ERICH1: variants seen among roughly 807,000 people sequenced by gnomAD.
ERICH1 encodes the protein glutamate-rich protein 1.
ERICH1 carries 56 observed loss-of-function variants against 39.6 expected under a neutral mutation model. The observed-to-expected ratio is 1.41, with a 90% CI of 1.14 to 1.77. The LOEUF is 1.77. ERICH1 is among the 40% of genes most tolerant of loss of function. The pLI is 0.00. For synonymous variants in ERICH1, 313 were observed against 223.6 expected (o/e 1.40, Z -3.57); for missense variants, 826 against 575.4 (o/e 1.44, Z -4.45).
chr8:723,389 CT>C (rs1327574558), intron 1 of ERICH1, among the ~76,000 whole-genome samples: 2 of 152,234 alleles, frequency 1.3e-5, no homozygotes, highest in Non-Finnish European at 2.9e-5. Context: ...TTAGTTTCCA[CT>C]TAATAGACTT....
At chr8:699,586 CCCT>C (rs146024579) in intron 2 of ERICH1, among the ~76,000 whole-genome samples, 33,124 of 151,958 alleles carry the variant, frequency 0.22, 4,330 homozygotes, top group Non-Finnish European at 0.3. Flanking sequence ...GGCTTCATTT[CCCT>C]CCTATTTTCA....
intron 3 of ERICH1, chr8:626,040 C>T (rs1343614580): frequency 6.6e-6 from 1 of 152,232 alleles, no homozygotes; most frequent in African/African-American, 2.4e-5. Flanking sequence ...CACTTCACAG[C>T]TTTCTTCTAC....
chr8:726,226 G>A (rs1267623097), intron 1 of ERICH1, among the ~76,000 whole-genome samples: 2 of 152,206 alleles, frequency 1.3e-5, no homozygotes, highest in South Asian at 2.1e-4. Context: ...GGGAGAGGCA[G>A]GTATCACAGG....
intron 3 of ERICH1, among the ~76,000 whole-genome samples, chr8:636,282 G>A (rs1798432371): frequency 6.6e-6 from 1 of 152,206 alleles, no homozygotes; most frequent in African/African-American, 2.4e-5. Flanking sequence ...TGGCCACGTG[G>A]GGTTGCACGT....
intron 3 of ERICH1, among the ~76,000 whole-genome samples, chr8:653,233 G>C (rs1362068182): frequency 6.6e-6 from 1 of 152,240 alleles, no homozygotes; most frequent in Non-Finnish European, 1.5e-5. Context: ...CAAACACAGT[G>C]CCATGTGCTA....
chr8:717,953 TGACA>T (rs1816411941), intron 1 of ERICH1, among the ~76,000 whole-genome samples: 1 of 152,212 alleles, frequency 6.6e-6, no homozygotes, highest in Admixed American at 6.5e-5. Context: ...AAGCATCAGA[TGACA>T]GAGTTTTCTG....
intron 3 of ERICH1, among the ~76,000 whole-genome samples, chr8:686,429 T>C (rs895948240): frequency 1.3e-5 from 2 of 152,126 alleles, no homozygotes; most frequent in Admixed American, 1.3e-4. Context: ...TCTTTTCTTT[T>C]GTTTCTTCCT....
intron 3 of ERICH1, among the ~76,000 whole-genome samples, chr8:618,999 CTATT>C (rs1303398048): frequency 2.6e-5 from 4 of 152,290 alleles, no homozygotes; most frequent in African/African-American, 9.6e-5. Context: ...GAATGAAAAA[CTATT>C]TATTCAGGAA....
chr8:710,455 G>T (rs985849762), intron 2 of ERICH1, among the ~76,000 whole-genome samples: 3 of 143,874 alleles, frequency 2.1e-5, no homozygotes, highest in Non-Finnish European at 4.5e-5. Flanking sequence ...TGTCCTGCAA[G>T]TCCTCTGGGC....
chr8:703,427 T>C (rs1812594768), intron 2 of ERICH1, among the ~76,000 whole-genome samples: 1 of 152,096 alleles, frequency 6.6e-6, no homozygotes, highest in Non-Finnish European at 1.5e-5. Flanking sequence ...ACACGAGATC[T>C]GCTCCAGAGG....
At chr8:637,366 C>T (rs1039014611) in intron 3 of ERICH1, among the ~76,000 whole-genome samples, 2 of 152,238 alleles carry the variant, frequency 1.3e-5, no homozygotes, top group Non-Finnish European at 2.9e-5. Flanking sequence ...CTGGGCTACA[C>T]GTTCCTCTAG....
At chr8:715,831 A>G (rs1815828616) in intron 2 of ERICH1, 30 bp downstream of exon 2, 2 of 1,585,036 alleles carry the variant, frequency 1.3e-6, no homozygotes, top group East Asian at 2.3e-5. Context: ...TCAGTTTCTG[A>G]GACCCACCCA....
intron 2 of ERICH1, among the ~76,000 whole-genome samples, chr8:705,515 A>T (rs1011857975): frequency 6.6e-6 from 1 of 152,232 alleles, no homozygotes; most frequent in African/African-American, 2.4e-5. Context: ...CTGGGCATAG[A>T]AGGGAACTTC....
At chr8:621,213 T>C (rs1161919751) in intron 3 of ERICH1, among the ~76,000 whole-genome samples, 2 of 152,120 alleles carry the variant, frequency 1.3e-5, no homozygotes, top group South Asian at 4.1e-4. Context: ...AGAAAAAAAC[T>C]TGAGAAGGAT....
chr8:725,860 C>T (rs548541683), intron 1 of ERICH1: 1 of 152,542 alleles, frequency 6.6e-6, no homozygotes, highest in East Asian at 1.9e-4. Flanking sequence ...TCTTCTCTCC[C>T]CTCCTTCGTT....
chr8:716,002 C>A lies in ERICH1; in HGVS notation c.28G>T (p.Val10Leu), dbSNP rs138236526. 1 of 1,607,810 alleles carries A rather than the reference C, an allele frequency of 6.2e-7. No homozygotes were observed. The highest frequency in any genetic ancestry group is 1.3e-5 in the African/African-American group (1 of 74,454). The change falls in exon 2 of 6, where the codon GTG becomes TTG. Residue 10 changes from valine to leucine, a missense_variant. By Grantham distance (32) the Val-to-Leu change is conservative (BLOSUM62 1). Coordinates refer to ENST00000262109, the MANE Select transcript of ERICH1 (RefSeq NM_207332.3). MAAHRKHVF[V>L]EKVLQRLFPP... ...AAAAGTCTCTGCAGCACCTTCTCCA[C>A]AAACACTGTACAGACAACCGATTAA...
Position 673,569 on chromosome 8 carries a change from G to T in ERICH1, c.783C>A (p.Ala261=), listed in dbSNP as rs529532827. The T allele has an allele frequency of 1.1e-5, 17 of 1,550,068 alleles. No individual in the cohort carries two copies. The South Asian group carries it at 1.3e-4, about 12-fold the overall frequency. ...TGGCGTCTTTAACGTCTTCCTCCCC[G>T]GCCGGTGTCGGATCTTCCTCACTGG... ...ADASEEDPTP[A]GEEDVKDARE... Residue 261 remains alanine, a synonymous_variant, in exon 4 of 6, where the codon GCC becomes GCA. Coordinates refer to ENST00000262109, the MANE Select transcript of ERICH1 (RefSeq NM_207332.3).
chr8:627,965 G>A (rs1797694197), intron 3 of ERICH1, among the ~76,000 whole-genome samples: 1 of 152,174 alleles, frequency 6.6e-6, no homozygotes, highest in African/African-American at 2.4e-5. Flanking sequence ...AACGTGCTGA[G>A]ACCACAGTGC....
chr8:661,179 A>G (rs1206747862), downstream of ERICH1, among the ~76,000 whole-genome samples: 1 of 152,084 alleles, frequency 6.6e-6, no homozygotes, highest in Non-Finnish European at 1.5e-5. Flanking sequence ...GGTGGAACAC[A>G]TTCCTGCGAT....
Sources: allele counts gnomAD v4.1 joint callset (sites outside exome capture counted in the v4.1 genomes callset), GRCh38; gene constraint gnomAD v4.1.1; transcripts MANE v1.5; gene names NCBI Gene and HGNC (gene_info 2026-07-23, HGNC 2026-07-21).